Variants in SNCAIP observed in about 807,000 individuals in gnomAD.
The protein encoded by SNCAIP is synphilin-1.
In SNCAIP, 43 loss-of-function variants were observed where a neutral mutation model predicts 86.7. That is an observed-to-expected ratio of 0.50 (90% CI 0.39 to 0.64). The LOEUF (loss-of-function observed/expected upper bound fraction) is 0.64. Among genes scored for constraint, SNCAIP ranks in the 30% least tolerant of loss-of-function variants. The pLI is 0.00. For synonymous variants in SNCAIP, 417 were observed against 427.2 expected (o/e 0.98, Z 0.29); for missense variants, 981 against 1,103.1 (o/e 0.89, Z 1.57).
chr5:122,368,211 TTGGATACCCTAG>T (rs944953250), intron 1 of SNCAIP, among the ~76,000 whole-genome samples: 3 of 152,128 alleles, frequency 2.0e-5, no homozygotes, highest in Non-Finnish European at 2.9e-5. Context: ...GGCTCCTCCT[TTGGATACCCTAG>T]TGTTCCAGGT....
chr5:122,350,639 G>T (rs574240470), intron 1 of SNCAIP, among the ~76,000 whole-genome samples: 16 of 152,104 alleles, frequency 1.1e-4, no homozygotes, highest in East Asian at 1.9e-4. Context: ...GCGTTTTGAT[G>T]CAACAATCAT....
At chr5:122,401,235 A>T (rs1014390043) in intron 2 of SNCAIP, 2 of 1,076,842 alleles carry the variant, frequency 1.9e-6, no homozygotes, top group African/African-American at 3.2e-5. Flanking sequence ...CACAATGCAT[A>T]CTTGTAAGGG....
chr5:122,431,588 C>T (rs1014037135), intron 5 of SNCAIP, among the ~76,000 whole-genome samples: 3 of 152,066 alleles, frequency 2.0e-5, no homozygotes, highest in Admixed American at 6.6e-5. Context: ...TACTAGAACA[C>T]TTCTGGGGAT....
intron 3 of SNCAIP, among the ~76,000 whole-genome samples, chr5:122,407,842 G>A (rs927992129): frequency 1.3e-5 from 2 of 152,102 alleles, no homozygotes; most frequent in Non-Finnish European, 2.9e-5. Context: ...CCAACCACAG[G>A]GTCATGTAGC....
chr5:122,444,593 A>G lies in SNCAIP; in HGVS notation c.1453A>G (p.Met485Val), dbSNP rs1781878061. The change falls in exon 8 of 11, where the codon ATG becomes GTG. Residue 485 changes from methionine (M) to valine (V), a missense_variant. By Grantham distance (21) the Met-to-Val change is conservative (BLOSUM62 1). Transcript: ENST00000261368. ...TLVEYGANVT[M>V]QNHAGEKPSQ... is the part of the protein sequence containing the mutation. ...GGTTGAATATGGAGCAAATGTCACC[A>G]TGCAGAACCACGCTGGGGAAAAGCC... 6.2e-7 allele frequency: 1 copy of G among 1,614,064 alleles called. No homozygotes were observed. The highest frequency in any genetic ancestry group is 8.5e-7 in the Non-Finnish European group (1 of 1,180,026).
upstream of SNCAIP, chr5:122,311,423 G>C (rs1750574358): frequency 6.6e-6 from 1 of 152,496 alleles, no homozygotes; most frequent in South Asian, 2.1e-4. Flanking sequence ...CTCAGGGGTG[G>C]GCGAGCTTCG....
At chr5:122,323,572 G>A (rs761420885) in intron 1 of SNCAIP, among the ~76,000 whole-genome samples, 19 of 152,202 alleles carry the variant, frequency 1.2e-4, no homozygotes, top group Non-Finnish European at 2.4e-4. Flanking sequence ...CTAAGTCAAC[G>A]TTCAGAGGAT....
At chr5:122,318,623 C>G (rs1401511265) in intron 1 of SNCAIP, among the ~76,000 whole-genome samples, 5 of 152,086 alleles carry the variant, frequency 3.3e-5, no homozygotes, top group South Asian at 4.1e-4. Context: ...TCACATTTGC[C>G]TCTTAGGATA....
At chr5:122,391,007 ATTTG>A in intron 1 of SNCAIP, 78 bp from the exon 2 acceptor site, 1 of 756,896 alleles carries the variant, frequency 1.3e-6, no homozygotes, top group Non-Finnish European at 2.4e-6. Flanking sequence ...TTCTCATCTT[ATTTG>A]TTTAAATGTA....
intron 2 of SNCAIP, among the ~76,000 whole-genome samples, chr5:122,398,142 G>T (rs1367074566): frequency 6.6e-6 from 1 of 152,188 alleles, no homozygotes; most frequent in East Asian, 1.9e-4. Context: ...GCAAGAGCAG[G>T]AAGGCCCATG....
At chr5:122,377,689 C>A (rs1281699066) in intron 1 of SNCAIP, among the ~76,000 whole-genome samples, 2 of 120,410 alleles carry the variant, frequency 1.7e-5, no homozygotes, top group Admixed American at 1.9e-4. Flanking sequence ...TCCCTCCCCC[C>A]TCCCCCCACC....
intron 10 of SNCAIP, among the ~76,000 whole-genome samples, chr5:122,454,169 G>A (rs988821391): frequency 6.6e-6 from 1 of 152,204 alleles, no homozygotes. Context: ...TGGATAGGTG[G>A]GTGTTGGTGT....
chr5:122,383,768 G>T (rs973525153), intron 1 of SNCAIP, among the ~76,000 whole-genome samples: 1 of 152,108 alleles, frequency 6.6e-6, no homozygotes, highest in African/African-American at 2.4e-5. Flanking sequence ...ATCCTTACAG[G>T]AATTTTTCAG....
At chr5:122,391,314 G>A in intron 2 of SNCAIP, 123 bp downstream of exon 2, 1 of 772,824 alleles carries the variant, frequency 1.3e-6, no homozygotes, top group Non-Finnish European at 2.3e-6. Flanking sequence ...ATTCACAGCA[G>A]AAATCCTGTG....
At chr5:122,441,463 T>G (rs528988301) in intron 7 of SNCAIP, among the ~76,000 whole-genome samples, 1 of 152,322 alleles carries the variant, frequency 6.6e-6, no homozygotes, top group African/African-American at 2.4e-5. Context: ...GTTGGGGAGC[T>G]GAGCCACAGG....
At chr5:122,325,318 G>T (rs572903464) in intron 1 of SNCAIP, among the ~76,000 whole-genome samples, 68 of 152,228 alleles carry the variant, frequency 4.5e-4, no homozygotes, top group African/African-American at 1.5e-3. Flanking sequence ...CAAACAGGTA[G>T]GGAGGGAGAG....
intron 2 of SNCAIP, among the ~76,000 whole-genome samples, chr5:122,395,811 A>G (rs1489667940): frequency 6.6e-6 from 1 of 152,166 alleles, no homozygotes; most frequent in Non-Finnish European, 1.5e-5. Flanking sequence ...TTAGATGTGA[A>G]AAAGAGTATA....
rs931393839 is a variant in SNCAIP at position 122,367,187 on chromosome 5, G to A, written c.-46-23902G>A. 2.0e-5 allele frequency among the ~76,000 whole-genome samples: 3 copies of A among 152,080 alleles called. No individual in the cohort carries two copies. In the East Asian group the frequency reaches 5.8e-4, roughly 29 times the overall value. ...ATGGAATCTGTACACATAGGTATTA[G>A]TGGGTGAGTAAGAAGAGAAGTGGAC... On this transcript the variant is annotated intron_variant, in intron 1 of 10. Transcript: ENST00000261368.
intron 1 of SNCAIP, among the ~76,000 whole-genome samples, chr5:122,351,558 A>AAAAAAAAAAAAAAAAAAAAAAAAT: frequency 6.7e-6 from 1 of 149,806 alleles, no homozygotes; most frequent in Non-Finnish European, 1.5e-5. Context: ...AAAAAAAAAA[A>AAAAAAAAAAAAAAAAAAAAAAAAT]AAAAAAAAGA....
Sources: gnomAD v4.1 joint callset for allele counts (sites outside exome capture counted in the v4.1 genomes callset) on GRCh38, gnomAD v4.1.1 for gene constraint, MANE v1.5 for transcripts, NCBI Gene and HGNC (gene_info 2026-07-23, HGNC 2026-07-21) for gene names.